KCNH5: variants seen among roughly 807,000 people sequenced by gnomAD.
KCNH5 encodes the protein potassium voltage-gated channel subfamily H member 5, also known as voltage-gated delayed rectifier potassium channel KCNH5.
Under a neutral mutation model 96.1 loss-of-function variants are expected in KCNH5, and 46 were observed. The ratio of observed to expected loss-of-function variants is 0.48; its 90% confidence interval spans 0.38 to 0.61. The LOEUF (loss-of-function observed/expected upper bound fraction) is 0.61. Ranked by LOEUF, KCNH5 falls within the 20% of genes least tolerant of loss-of-function variation. The probability of loss-of-function intolerance (pLI) is 0.00; values close to 1 mark genes in which losing one functional copy is unlikely to be tolerated. For missense variants in KCNH5, 907 were observed against 1,225.8 expected, an observed-to-expected ratio of 0.74 and a Z score of 3.88; for synonymous variants, 439 against 449.8, an observed-to-expected ratio of 0.98 and a Z score of 0.30.
chr14:62,877,194 C>G (rs893782216), intron 7 of KCNH5, among the ~76,000 whole-genome samples: 1 of 151,748 alleles, frequency 6.6e-6, no homozygotes, highest in African/African-American at 2.4e-5. Context: ...AAAATTAATT[C>G]AAGATGGATT....
intron 7 of KCNH5, among the ~76,000 whole-genome samples, chr14:62,938,834 T>C (rs764890395): frequency 9.2e-5 from 14 of 152,230 alleles, no homozygotes; most frequent in Non-Finnish European, 1.6e-4. Context: ...TTCAATTTCA[T>C]ACAAACTTCT....
At chr14:62,840,071 G>A (rs982469658) in intron 8 of KCNH5, among the ~76,000 whole-genome samples, 1 of 152,048 alleles carries the variant, frequency 6.6e-6, no homozygotes, top group South Asian at 2.1e-4. Flanking sequence ...TAAGAGCAGG[G>A]ATTATGTTTA....
At chr14:62,846,838 C>T (rs4899097) in intron 8 of KCNH5, among the ~76,000 whole-genome samples, 82,321 of 127,768 alleles carry the variant, frequency 0.64, 27,143 homozygotes, top group East Asian at 0.86. Context: ...TCTGGCTCTG[C>T]GGCCCAGGCT....
chr14:62,919,794 A>C (rs1232225644), intron 7 of KCNH5, among the ~76,000 whole-genome samples: 2 of 152,022 alleles, frequency 1.3e-5, no homozygotes, highest in Admixed American at 6.6e-5. Flanking sequence ...GGACACTGTG[A>C]GAGGACTAAT....
chr14:62,799,726 T>TATCTATATATATACAC (rs1213484157), intron 9 of KCNH5, among the ~76,000 whole-genome samples: 1 of 68,664 alleles, frequency 1.5e-5, no homozygotes, highest in African/African-American at 5.0e-5. Context: ...TATATATATA[T>TATCTATATATATACAC]ACACACACAC....
chr14:62,751,014 A>T (rs1369582603), intron 10 of KCNH5, among the ~76,000 whole-genome samples: 1 of 152,080 alleles, frequency 6.6e-6, no homozygotes, highest in African/African-American at 2.4e-5. Context: ...TATAAGAATG[A>T]TCTAGGGTGC....
intron 10 of KCNH5, among the ~76,000 whole-genome samples, chr14:62,744,147 A>G (rs977041378): frequency 6.6e-6 from 1 of 152,106 alleles, no homozygotes; most frequent in Non-Finnish European, 1.5e-5. Flanking sequence ...CACCTACTTC[A>G]CCCAATAATT....
At chr14:62,890,470 C>T (rs1364236902) in intron 7 of KCNH5, among the ~76,000 whole-genome samples, 9 of 151,390 alleles carry the variant, frequency 5.9e-5, no homozygotes, top group East Asian at 2.0e-4. Flanking sequence ...CCGAGGCGGG[C>T]GGATCACGAG....
chr14:62,778,860 G>C (rs1320409779), intron 10 of KCNH5, among the ~76,000 whole-genome samples: 1 of 152,140 alleles, frequency 6.6e-6, no homozygotes, highest in Non-Finnish European at 1.5e-5. Flanking sequence ...GAATTACATT[G>C]ATTTAATTAT....
chr14:62,800,429 T>C (rs972884721), intron 9 of KCNH5, among the ~76,000 whole-genome samples: 2 of 152,156 alleles, frequency 1.3e-5, no homozygotes, highest in African/African-American at 4.8e-5. Flanking sequence ...ATTGTCTCAT[T>C]TGAGCAGACC....
chr14:62,768,267 T>A (rs2139963031), intron 10 of KCNH5, among the ~76,000 whole-genome samples: 1 of 152,288 alleles, frequency 6.6e-6, no homozygotes, highest in South Asian at 2.1e-4. Flanking sequence ...GTAGTTAGGA[T>A]AAGAAAATTT....
intron 8 of KCNH5, among the ~76,000 whole-genome samples, chr14:62,839,318 A>C (rs1430740481): frequency 6.6e-6 from 1 of 152,202 alleles, no homozygotes; most frequent in Non-Finnish European, 1.5e-5. Context: ...AAATGGTTAT[A>C]TAAATATTAA....
At chr14:62,922,168 GGAAAGGAAAATA>G in intron 7 of KCNH5, among the ~76,000 whole-genome samples, 1 of 151,946 alleles carries the variant, frequency 6.6e-6, no homozygotes, top group African/African-American at 2.4e-5. Flanking sequence ...GAGGTTTTGA[GGAAAGGAAAATA>G]ATTTTACTTG....
intron 7 of KCNH5, among the ~76,000 whole-genome samples, chr14:62,861,494 A>G (rs1888031190): frequency 6.6e-6 from 1 of 152,134 alleles, no homozygotes; most frequent in African/African-American, 2.4e-5. Flanking sequence ...TGCTATTTTT[A>G]TAGATTCAAG....
chr14:62,988,196 C>T (rs1300862884), intron 4 of KCNH5, among the ~76,000 whole-genome samples: 1 of 152,066 alleles, frequency 6.6e-6, no homozygotes, highest in African/African-American at 2.4e-5. Context: ...CTCATCCTGT[C>T]TCAATTATCC....
chr14:63,006,886 G>C (rs890332231), intron 2 of KCNH5, among the ~76,000 whole-genome samples: 1 of 152,144 alleles, frequency 6.6e-6, no homozygotes, highest in Non-Finnish European at 1.5e-5. Flanking sequence ...CTCAGTTCAC[G>C]CACAGACAGA....
intron 9 of KCNH5, among the ~76,000 whole-genome samples, chr14:62,801,483 A>G (rs1353872249): frequency 6.7e-6 from 1 of 149,688 alleles, no homozygotes. Context: ...AAAATGATCT[A>G]AAAGGTCATT....
chr14:62,787,654 C>A (rs1217390760), intron 9 of KCNH5, among the ~76,000 whole-genome samples: 1 of 152,162 alleles, frequency 6.6e-6, no homozygotes, highest in Non-Finnish European at 1.5e-5. Flanking sequence ...GATAGGCTAA[C>A]TTGTTAGGGC....
In KCNH5 at chr14:62,796,922, TGA is replaced by T. The variant is rs369572090; in HGVS notation, c.1822+5405_1822+5406del. Among the ~76,000 whole-genome samples, 58 of 152,300 alleles carry T rather than the reference TGA, an allele frequency of 3.8e-4. 1 individual carries two copies. In the East Asian group the frequency reaches 9.9e-3, roughly 26 times the overall value. ...TGATACACAAATGGTTGCATTCTTT[TGA>T]GTTTCTGATTAGCCTTTCCAAAGGA... On this transcript the variant is annotated intron_variant, in intron 9 of 10. Transcript: ENST00000322893.
Sources: allele counts gnomAD v4.1 joint callset (sites outside exome capture counted in the v4.1 genomes callset), GRCh38; gene constraint gnomAD v4.1.1; transcripts MANE v1.5; gene names NCBI Gene and HGNC (gene_info 2026-07-23, HGNC 2026-07-21).